PLCE1: variants seen among roughly 807,000 people sequenced by gnomAD.
PLCE1 encodes phospholipase C epsilon 1.
Under a neutral mutation model 242.8 loss-of-function variants are expected in PLCE1, and 119 were observed. The observed-to-expected ratio is 0.49, with a 90% confidence interval of 0.42 to 0.57. The LOEUF (loss-of-function observed/expected upper bound fraction) is 0.57. Ranked by LOEUF, PLCE1 falls within the 20% of genes least tolerant of loss-of-function variation. PLCE1 has a pLI of 0.00. For missense variants in PLCE1, 2,441 were observed against 2,788.8 expected, an observed-to-expected ratio of 0.88 and a Z score of 2.81; for synonymous variants, 945 against 1,017.4, an observed-to-expected ratio of 0.93 and a Z score of 1.35.
chr10:94,204,818 T>C (rs1020313408), intron 4 of PLCE1, among the ~76,000 whole-genome samples: 2 of 148,460 alleles, frequency 1.3e-5, no homozygotes, highest in African/African-American at 5.0e-5. Context: ...TAATGTGTGC[T>C]GTAGAAAATG....
intron 1 of PLCE1, among the ~76,000 whole-genome samples, chr10:94,008,085 G>A (rs142328600): frequency 0.01 from 1,529 of 150,920 alleles, 15 homozygotes; most frequent in Non-Finnish European, 0.017. Context: ...CTACCTACAC[G>A]AGAGGCTGAG....
intron 2 of PLCE1, among the ~76,000 whole-genome samples, chr10:94,034,256 T>A (rs2061622206): frequency 2.6e-5 from 4 of 152,176 alleles, no homozygotes. Flanking sequence ...GAGGTGAGAT[T>A]TGGGTAGGGA....
chr10:94,207,100 C>T (rs1303033857), intron 4 of PLCE1, among the ~76,000 whole-genome samples: 3 of 152,180 alleles, frequency 2.0e-5, no homozygotes, highest in Non-Finnish European at 4.4e-5. Flanking sequence ...AAGCAGCTTT[C>T]CCATCTTCCA....
At chr10:94,094,020 C>T (rs1460994977) in intron 2 of PLCE1, among the ~76,000 whole-genome samples, 1 of 139,920 alleles carries the variant, frequency 7.1e-6, no homozygotes, top group African/African-American at 2.8e-5. Flanking sequence ...CGGCTCACTG[C>T]AAGCTCCGCC....
chr10:94,235,035 A>T (rs1417413859), intron 6 of PLCE1, among the ~76,000 whole-genome samples: 2 of 151,052 alleles, frequency 1.3e-5, no homozygotes, highest in Non-Finnish European at 2.9e-5. Context: ...CATTCCTGCC[A>T]TGATGACAGA....
rs138764293 is a variant in PLCE1, at chr10:94,075,278, A to T, written c.1206+43026A>T. 1.9e-4 allele frequency among the ~76,000 whole-genome samples: 29 copies of T among 152,256 alleles called. No individual in the cohort carries two copies. In the East Asian group the frequency reaches 2.5e-3, roughly 13 times the overall value. On this transcript the variant is annotated intron_variant, in intron 2 of 32. Coordinates refer to ENST00000371380, the MANE Select transcript of PLCE1 (RefSeq NM_016341.4). ...CCTTGAGGGCAGCACGTGCCTTGTCACCTTCTTCTCCCCTCCATCTAATAC... is the reference window on the plus strand; with the variant it reads ...CCTTGAGGGCAGCACGTGCCTTGTCTCCTTCTTCTCCCCTCCATCTAATAC...
intron 2 of PLCE1, among the ~76,000 whole-genome samples, chr10:94,039,845 T>C (rs890806690): frequency 6.6e-6 from 1 of 152,256 alleles, no homozygotes; most frequent in African/African-American, 2.4e-5. Context: ...TTGTATATCA[T>C]AGAAATGTCT....
intron 3 of PLCE1, among the ~76,000 whole-genome samples, chr10:94,137,172 G>A (rs182718621): frequency 1.2e-4 from 18 of 152,116 alleles, no homozygotes; most frequent in African/African-American, 3.6e-4. Context: ...CAGCCTGGGC[G>A]ACAGAGCAAG....
intron 2 of PLCE1, among the ~76,000 whole-genome samples, chr10:94,066,074 G>T (rs561826283): frequency 6.6e-6 from 1 of 152,098 alleles, no homozygotes; most frequent in Non-Finnish European, 1.5e-5. Flanking sequence ...ATACTCTCAG[G>T]GGGAGGAGAA....
chr10:94,249,158 T>C (rs2050788993), intron 8 of PLCE1, among the ~76,000 whole-genome samples: 1 of 152,176 alleles, frequency 6.6e-6, no homozygotes, highest in Admixed American at 6.5e-5. Flanking sequence ...CACTGCTCTC[T>C]CTACATGAGC....
intron 4 of PLCE1, among the ~76,000 whole-genome samples, chr10:94,182,994 G>A (rs2048359143): frequency 1.3e-5 from 2 of 152,166 alleles, no homozygotes; most frequent in African/African-American, 2.4e-5. Flanking sequence ...GAGAAGCACT[G>A]CAGCAGTTCC....
In PLCE1 at chr10:94,144,146, A is replaced by G. The variant is rs917537583; in HGVS notation, c.1492+11687A>G. ...TAGGCTGATACACTACCAAGTCTAGACCCAAAATCCTTAACTAGGGTTGAC... is the reference window on the plus strand; with the variant it reads ...TAGGCTGATACACTACCAAGTCTAGGCCCAAAATCCTTAACTAGGGTTGAC... On this transcript the variant is annotated intron_variant, in intron 3 of 32. Coordinates refer to ENST00000371380, the MANE Select transcript of PLCE1 (RefSeq NM_016341.4). Among the ~76,000 whole-genome samples, 6 of 152,270 alleles carry G rather than the reference A, an allele frequency of 3.9e-5. No individual in the cohort carries two copies. The East Asian group carries it at 1.2e-3, about 29-fold the overall frequency.
chr10:94,286,525 C>A (rs2052454623), intron 22 of PLCE1, among the ~76,000 whole-genome samples: 1 of 152,068 alleles, frequency 6.6e-6, no homozygotes, highest in Non-Finnish European at 1.5e-5. Flanking sequence ...GCTTTTCACA[C>A]ATCAGAGTAA....
At chr10:94,280,643 A>G (rs954047372) in intron 20 of PLCE1, 1 of 152,318 alleles carries the variant, frequency 6.6e-6, no homozygotes, top group African/African-American at 2.4e-5. Context: ...AAAGGCAACA[A>G]TATAATAATA....
At chr10:94,229,197 C>CAAAAA (rs200316786) in intron 5 of PLCE1, among the ~76,000 whole-genome samples, 3 of 123,406 alleles carry the variant, frequency 2.4e-5, no homozygotes, top group East Asian at 6.8e-4. Context: ...ACAAAACAAA[C>CAAAAA]AAACAAAAAA....
At chr10:94,105,140 G>A (rs2045680802) in intron 2 of PLCE1, 1 of 152,212 alleles carries the variant, frequency 6.6e-6, no homozygotes, top group Non-Finnish European at 1.5e-5. Context: ...AATAATCAGA[G>A]GAGACCCTTT....
intron 2 of PLCE1, among the ~76,000 whole-genome samples, chr10:94,044,094 T>G (rs974914592): frequency 6.6e-6 from 1 of 152,202 alleles, no homozygotes; most frequent in Non-Finnish European, 1.5e-5. Context: ...ACCATCTACA[T>G]GCAAAGAAAA....
intron 2 of PLCE1, among the ~76,000 whole-genome samples, chr10:94,087,467 G>T (rs1227124956): frequency 2.0e-5 from 3 of 151,782 alleles, no homozygotes; most frequent in African/African-American, 7.3e-5. Flanking sequence ...TAGAGAGAGG[G>T]TCTTGCTCTG....
chr10:94,147,895 A>G (rs2047163113), intron 3 of PLCE1, among the ~76,000 whole-genome samples: 1 of 152,218 alleles, frequency 6.6e-6, no homozygotes, highest in Admixed American at 6.5e-5. Context: ...ACAATGAAAT[A>G]AAGCACTGTT....
Sources: gnomAD v4.1 joint callset for allele counts (sites outside exome capture counted in the v4.1 genomes callset) on GRCh38, gnomAD v4.1.1 for gene constraint, MANE v1.5 for transcripts, NCBI Gene and HGNC (gene_info 2026-07-23, HGNC 2026-07-21) for gene names.